MAPK8: variants seen among roughly 807,000 people sequenced by gnomAD.
MAPK8 encodes the protein JUN N-terminal kinase.
MAPK8 carries 13 observed loss-of-function variants against 52.9 expected under a neutral mutation model. That is an observed-to-expected ratio of 0.25 (90% CI 0.16 to 0.39). MAPK8 has a LOEUF of 0.39. Among genes scored for constraint, MAPK8 ranks in the 10% least tolerant of loss-of-function variants. The probability of loss-of-function intolerance (pLI) is 1.00; values close to 1 mark genes in which losing one functional copy is unlikely to be tolerated. For synonymous variants in MAPK8, 191 were observed against 169.8 expected (o/e 1.12, Z -0.97); for missense variants, 300 against 519.2 (o/e 0.58, Z 4.10).
At chr10:48,316,023 AGTT>A (rs1385797993) in intron 1 of MAPK8, among the ~76,000 whole-genome samples, 1 of 152,186 alleles carries the variant, frequency 6.6e-6, no homozygotes, top group Non-Finnish European at 1.5e-5. Context: ...TTCTCTCTAA[AGTT>A]AATGTAACTT....
In MAPK8 at chr10:48,401,496, G is replaced by T. The variant is rs1322752474; in HGVS notation, c.-49-116G>T. The T allele has an allele frequency of 8.7e-6, 5 of 576,280 alleles. No homozygotes were observed. In the Admixed American group the frequency reaches 1.8e-4, roughly 21 times the overall value. 35.7% of individuals were successfully genotyped at this position (576,280 alleles called of 1,614,324 possible). ...TTTTCTTATGTTTTTTAATGAAGCA[G>T]CTCTTTTCATGATCTAGCAGTCTGT... On this transcript the variant is annotated intron_variant, in intron 1 of 11. Coordinates refer to ENST00000374189, the MANE Select transcript of MAPK8 (RefSeq NM_001323329.2).
chr10:48,417,293 C>T (rs1473087747), intron 5 of MAPK8, among the ~76,000 whole-genome samples: 1 of 152,148 alleles, frequency 6.6e-6, no homozygotes, highest in Non-Finnish European at 1.5e-5. Flanking sequence ...TTTTTTAGCT[C>T]ATGGGTCCTG....
intron 1 of MAPK8, among the ~76,000 whole-genome samples, chr10:48,366,292 A>C (rs111747992): frequency 6.6e-6 from 1 of 152,294 alleles, no homozygotes; most frequent in African/African-American, 2.4e-5. Context: ...TAAACTTAAC[A>C]AAGTTTATTT....
At chr10:48,358,481 T>A (rs904101756) in intron 1 of MAPK8, among the ~76,000 whole-genome samples, 25 of 152,210 alleles carry the variant, frequency 1.6e-4, no homozygotes, top group South Asian at 6.2e-4. Context: ...GTTGTTGAAT[T>A]GTAAGAGTTC....
At position 48,435,642 on chromosome 10, in the gene MAPK8, C is replaced by T. The variant is rs2044794941; in HGVS notation, c.*613C>T. The stretch of plus-strand genomic sequence containing the variant: ...TTACAAGAATTGGTAGGCAATCCTA[C>T]TTAATTTTGGCAAAAGCCCCGTCAT... On this transcript the variant is annotated 3_prime_UTR_variant, in exon 12 of 12. Coordinates refer to ENST00000374189, the MANE Select transcript of MAPK8 (RefSeq NM_001323329.2). The T allele has an allele frequency of 1.3e-5, 2 of 152,222 alleles. No individual in the cohort carries two copies. Among genetic ancestry groups the T allele is most frequent in the African/African-American group, 4.8e-5 (2 of 41,448 alleles). 9.4% of individuals were successfully genotyped at this position (152,222 alleles called of 1,614,324 possible).
intron 3 of MAPK8, among the ~76,000 whole-genome samples, chr10:48,406,495 C>T (rs950248542): frequency 2.0e-5 from 3 of 152,052 alleles, no homozygotes; most frequent in African/African-American, 7.2e-5. Flanking sequence ...ATGATTAGGC[C>T]TCTAGCAGGG....
intron 10 of MAPK8, among the ~76,000 whole-genome samples, chr10:48,427,889 T>G (rs2043791872): frequency 6.6e-6 from 1 of 152,254 alleles, no homozygotes; most frequent in South Asian, 2.1e-4. Flanking sequence ...TGTCACACTT[T>G]ATATATCCAT....
intron 1 of MAPK8, among the ~76,000 whole-genome samples, chr10:48,338,213 A>G (rs1265133435): frequency 1.3e-5 from 2 of 152,184 alleles, no homozygotes; most frequent in African/African-American, 4.8e-5. Flanking sequence ...TCAACAAAAT[A>G]CTAGCAGACT....
intron 1 of MAPK8, among the ~76,000 whole-genome samples, chr10:48,396,387 C>G (rs2041888945): frequency 1.3e-5 from 2 of 151,984 alleles, no homozygotes; most frequent in South Asian, 4.1e-4. Flanking sequence ...AAATTTAAAG[C>G]CATGATGAGA....
chr10:48,370,520 A>G (rs916567487), intron 1 of MAPK8, among the ~76,000 whole-genome samples: 1 of 152,134 alleles, frequency 6.6e-6, no homozygotes, highest in African/African-American at 2.4e-5. Context: ...GAAAGAAGTA[A>G]AAGTGAGGAC....
intron 5 of MAPK8, among the ~76,000 whole-genome samples, chr10:48,411,437 A>G (rs562758757): frequency 1.3e-5 from 2 of 152,318 alleles, no homozygotes; most frequent in South Asian, 2.1e-4. Flanking sequence ...ACATGGTTTC[A>G]TTTTTGGACT....
chr10:48,434,096 G>C (rs1182885212), intron 11 of MAPK8, among the ~76,000 whole-genome samples: 2 of 152,082 alleles, frequency 1.3e-5, no homozygotes, highest in African/African-American at 4.8e-5. Context: ...TTTCTGTCTC[G>C]AGCTCAGGTA....
At chr10:48,414,940 C>T (rs554223204) in intron 5 of MAPK8, among the ~76,000 whole-genome samples, 5 of 152,084 alleles carry the variant, frequency 3.3e-5, no homozygotes, top group African/African-American at 7.2e-5. Flanking sequence ...GAGTCATCTG[C>T]GTCAAATAAC....
chr10:48,397,976 G>A (rs550304027), intron 1 of MAPK8, among the ~76,000 whole-genome samples: 97 of 152,202 alleles, frequency 6.4e-4, no homozygotes, highest in African/African-American at 2.2e-3. Context: ...CACACACAGG[G>A]CATGTAAAAA....
At chr10:48,403,535 A>T (rs979338056) in intron 2 of MAPK8, among the ~76,000 whole-genome samples, 4 of 152,130 alleles carry the variant, frequency 2.6e-5, no homozygotes, top group African/African-American at 9.7e-5. Flanking sequence ...GGCATTTATT[A>T]TCTTTCCTGC....
At chr10:48,423,458 G>T (rs1370243678) in intron 6 of MAPK8, among the ~76,000 whole-genome samples, 1 of 152,156 alleles carries the variant, frequency 6.6e-6, no homozygotes, top group Non-Finnish European at 1.5e-5. Flanking sequence ...TTCCTTTTGG[G>T]ATAGTAGGGT....
intron 1 of MAPK8, among the ~76,000 whole-genome samples, chr10:48,373,715 A>G (rs1021235457): frequency 6.6e-6 from 1 of 152,082 alleles, no homozygotes; most frequent in Non-Finnish European, 1.5e-5. Flanking sequence ...TATCCTAAAT[A>G]TATATGCACC....
chr10:48,312,775 G>A (rs1371741925), intron 1 of MAPK8, among the ~76,000 whole-genome samples: 1 of 152,080 alleles, frequency 6.6e-6, no homozygotes, highest in Admixed American at 6.6e-5. Context: ...TGTTACTATT[G>A]AGAATTTAAA....
intron 1 of MAPK8, among the ~76,000 whole-genome samples, chr10:48,311,047 T>C (rs947404078): frequency 1.3e-5 from 2 of 152,102 alleles, no homozygotes; most frequent in Non-Finnish European, 2.9e-5. Flanking sequence ...ATATAACATA[T>C]TTGGGCCTGT....
Sources: gnomAD v4.1 joint callset for allele counts (sites outside exome capture counted in the v4.1 genomes callset) on GRCh38, gnomAD v4.1.1 for gene constraint, MANE v1.5 for transcripts, NCBI Gene and HGNC (gene_info 2026-07-23, HGNC 2026-07-21) for gene names.